OVOL2: variants seen among roughly 807,000 people sequenced by gnomAD.
OVOL2 encodes the protein ovo like zinc finger 2, also known as transcription factor Ovo-like 2.
A neutral mutation model predicts 18.1 loss-of-function variants in OVOL2; 13 were observed. The ratio of observed to expected loss-of-function variants is 0.72; its 90% confidence interval spans 0.47 to 1.14. The LOEUF is 1.14. Among genes scored for constraint, OVOL2 ranks in the 50% most tolerant of loss-of-function variants. OVOL2 has a pLI of 0.00. For missense variants in OVOL2, 335 were observed against 383.0 expected (o/e 0.87, Z 1.05); for synonymous variants, 166 against 162.7 (o/e 1.02, Z -0.16).
Position 18,057,483 on chromosome 20 carries a change from T to G in OVOL2, c.100+52A>C. 4.3e-5 allele frequency: 45 copies of G among 1,044,214 alleles called. No individual in the cohort carries two copies. Among genetic ancestry groups the G allele is most frequent in the Non-Finnish European group, 4.6e-5 (34 of 743,886 alleles). The allele number at this position is 1,044,214 out of a possible 1,614,324, so 64.7% of individuals were successfully genotyped here. ...ATGAGCAGAGAAGACCCGCCACCCC[T>G]TCCCCCACCCCGGGAGCCCAGCGCC... On this transcript the variant is annotated intron_variant, in intron 1 of 3. Transcript: ENST00000278780. The surrounding 1 kb of genome is among the most constrained non-coding windows in gnomAD (Gnocchi z 6.3).
chr20:18,057,713 C>CG lies in OVOL2; in HGVS notation c.-80dup. 3 of 1,464,182 alleles carry CG rather than the reference C, an allele frequency of 2.0e-6. No individual in the cohort carries two copies. In the East Asian group the frequency reaches 8.0e-5, roughly 39 times the overall value. 90.7% of individuals were successfully genotyped at this position (1,464,182 alleles called of 1,614,324 possible). On this transcript the variant is annotated 5_prime_UTR_variant, in exon 1 of 4. It removes the in-frame stop codon of an upstream open reading frame in the 5' UTR. Coordinates refer to ENST00000278780, the MANE Select transcript of OVOL2 (RefSeq NM_021220.4). This position sits in a 1 kb window ranked among gnomAD's most constrained non-coding sequence, Gnocchi z 6.3. ...GGGGCAACGGCGGCGGCTCCGTCCC[C>CG]GGCTCCCGGCGGCCAGAGCCCACCT... is the stretch of plus-strand genomic sequence containing the variant.
rs2036833278 is a variant in OVOL2 at position 18,056,873 on chromosome 20, G to C, written c.105C>G (p.Gly35=). The C allele has an allele frequency of 6.7e-7, 1 of 1,485,550 alleles. No homozygotes were observed. The highest frequency in any genetic ancestry group is 1.5e-5 in the African/African-American group (1 of 68,558). The allele number at this position is 1,485,550 out of a possible 1,614,324, so 92.0% of individuals were successfully genotyped here. A position where few individuals can be genotyped will look rare whatever the true frequency, so the allele number is the denominator to read the frequency against. Residue 35 remains glycine, a synonymous_variant, in exon 2 of 4, where the codon GGC becomes GGG. Coordinates refer to ENST00000278780, the MANE Select transcript of OVOL2 (RefSeq NM_021220.4). The surrounding 1 kb of genome is among the most constrained non-coding windows in gnomAD (Gnocchi z 4.2). ...EKRADTYIPV[G]LGRLLHDPPE... ...GGGGGTCGTGGAGCAGGCGGCCTAG[G>C]CCCACTGTGGAGGGAGGGGCCGCGC...
intron 3 of OVOL2, among the ~76,000 whole-genome samples, chr20:18,028,232 A>C (rs984418373): frequency 2.0e-5 from 3 of 151,904 alleles, no homozygotes; most frequent in Non-Finnish European, 4.4e-5. Flanking sequence ...GCTGAAGTGC[A>C]GTGGCATAAT....
At chr20:18,036,759 C>G (rs916379813) in intron 3 of OVOL2, among the ~76,000 whole-genome samples, 1 of 152,020 alleles carries the variant, frequency 6.6e-6, no homozygotes. Context: ...CTACTAAACC[C>G]CAAGCTGAAG....
rs150526876 is a variant in OVOL2, at chr20:18,024,741, C to T, written c.723G>A (p.Ser241=). 7.0e-5 allele frequency: 113 copies of T among 1,614,146 alleles called. 1 individual carries two copies. In the Middle Eastern group the frequency reaches 1.6e-3, roughly 24 times the overall value. The change falls in exon 4 of 4, where the codon TCG becomes TCA. Residue 241 remains serine (S), a synonymous_variant. Transcript: ENST00000278780. ...GTTTTTTAGATGTCTTTTTGAGAAA[C>T]GAGCTGCCCGGATGGGCACTGTTCA... ...LHVNSAHPGS[S]FLKKTSKKLA... is the part of the protein sequence containing the mutation.
chr20:18,030,322 G>C (rs1209148832), intron 3 of OVOL2, among the ~76,000 whole-genome samples: 1 of 152,184 alleles, frequency 6.6e-6, no homozygotes, highest in East Asian at 1.9e-4. Context: ...AATCCACCCA[G>C]AGATTAGTTG....
chr20:18,044,861 T>G (rs1274458837), intron 2 of OVOL2, among the ~76,000 whole-genome samples: 9 of 152,042 alleles, frequency 5.9e-5, no homozygotes, highest in Admixed American at 5.9e-4. Flanking sequence ...AAGAGGGAAC[T>G]GTGTGTGGTT....
chr20:18,050,544 A>G (rs2036763071), intron 2 of OVOL2: 2 of 152,204 alleles, frequency 1.3e-5, no homozygotes, highest in African/African-American at 4.8e-5. Context: ...CCTTTCCAAC[A>G]ATAAAAACCT....
chr20:18,036,155 TG>T (rs112976586), intron 3 of OVOL2, among the ~76,000 whole-genome samples: 18,434 of 151,828 alleles, frequency 0.12, 1,237 homozygotes, highest in South Asian at 0.18. Context: ...TAGCCAGGCA[TG>T]GTGGTGCATC....
upstream of OVOL2, among the ~76,000 whole-genome samples, chr20:18,058,702 C>G (rs544500790): frequency 6.6e-6 from 1 of 152,212 alleles, no homozygotes. Flanking sequence ...CTGGGAAATA[C>G]CTTTCCAGGA....
chr20:18,042,445 TCTTACTCTCATCAGTTCATGGGAGAG>T (rs2036680957), intron 2 of OVOL2, among the ~76,000 whole-genome samples: 1 of 151,914 alleles, frequency 6.6e-6, no homozygotes, highest in Non-Finnish European at 1.5e-5. Flanking sequence ...AAGAGCGAGT[TCTTACTCTCATCAGTTCATGGGAGAG>T]CTGGCTGTTT....
At chr20:18,031,629 C>T (rs1050420266) in intron 3 of OVOL2, among the ~76,000 whole-genome samples, 9 of 152,122 alleles carry the variant, frequency 5.9e-5, no homozygotes, top group African/African-American at 1.9e-4. Context: ...ATGAGTATTT[C>T]GCAGATTTGT....
chr20:18,034,418 C>T (rs534078909), intron 3 of OVOL2, among the ~76,000 whole-genome samples: 22 of 152,330 alleles, frequency 1.4e-4, no homozygotes, highest in Non-Finnish European at 1.5e-5. Context: ...AAAACCCATG[C>T]TCATCCTCTG....
intron 3 of OVOL2, among the ~76,000 whole-genome samples, chr20:18,033,320 GGCTTCACCCTGTGGAACTCAGCA>G (rs1195573477): frequency 1.9e-4 from 29 of 152,144 alleles, no homozygotes; most frequent in Admixed American, 7.9e-4. Flanking sequence ...GGAATTCCTC[GGCTTCACCCTGTGGAACTCAGCA>G]GCTTCCCCAG....
chr20:18,055,472 C>T (rs1007369980), intron 2 of OVOL2, among the ~76,000 whole-genome samples: 8 of 152,220 alleles, frequency 5.3e-5, no homozygotes, highest in African/African-American at 1.9e-4. Flanking sequence ...CACCCTCACA[C>T]TTACCGCTAA....
chr20:18,036,237 G>A (rs1028909848), intron 3 of OVOL2, among the ~76,000 whole-genome samples: 2 of 152,112 alleles, frequency 1.3e-5, no homozygotes, highest in African/African-American at 4.8e-5. Context: ...AGGTTGCAGT[G>A]AGCCAAGATC....
intron 2 of OVOL2, among the ~76,000 whole-genome samples, chr20:18,047,104 A>C (rs62207130): frequency 0.37 from 56,863 of 152,062 alleles, 10,705 homozygotes; most frequent in Middle Eastern, 0.4. Context: ...CAGTTTCCTC[A>C]ATTCCTTCAA....
chr20:18,041,685 G>A lies in OVOL2; in HGVS notation c.360C>T (p.Ser120=). The A allele has an allele frequency of 6.2e-7, 1 of 1,613,952 alleles. No individual in the cohort carries two copies. Among genetic ancestry groups the A allele is most frequent in the South Asian group, 1.1e-5 (1 of 91,070 alleles). ...GGAAGCCCTTGCCACACAGGTCACAGCTGTGAACCACCGAGTCGCTGCACG... is the reference window on the plus strand; with the variant it reads ...GGAAGCCCTTGCCACACAGGTCACAACTGTGAACCACCGAGTCGCTGCACG... ...TGTCSDSVVH[S]CDLCGKGFRL... is the part of the protein sequence containing the mutation. Residue 120 remains serine, a synonymous_variant, in exon 3 of 4, where the codon AGC becomes AGT. Coordinates refer to ENST00000278780, the MANE Select transcript of OVOL2 (RefSeq NM_021220.4).
chr20:18,026,788 T>A (rs1464323697), intron 3 of OVOL2, among the ~76,000 whole-genome samples: 2 of 151,958 alleles, frequency 1.3e-5, no homozygotes, highest in African/African-American at 4.8e-5. Context: ...TTGCCTGAGG[T>A]CAGGTAAGGT....
Sources: gnomAD v4.1 joint callset for allele counts (sites outside exome capture counted in the v4.1 genomes callset) on GRCh38, gnomAD v4.1.1 for gene constraint, Gnocchi (gnomAD v3.1) non-coding constraint, MANE v1.5 for transcripts, NCBI Gene and HGNC (gene_info 2026-07-23, HGNC 2026-07-21) for gene names.